BICRAL: variants seen among roughly 807,000 people sequenced by gnomAD.
BICRAL encodes BRD4-interacting chromatin-remodeling complex-associated protein-like.
A neutral mutation model predicts 91.8 loss-of-function variants in BICRAL; 8 were observed. That is an observed-to-expected ratio of 0.09 (90% CI 0.05 to 0.16). The LOEUF (loss-of-function observed/expected upper bound fraction) is 0.16. Ranked by LOEUF, BICRAL falls within the 10% of genes least tolerant of loss-of-function variation. The pLI is 1.00. For synonymous variants in BICRAL, 445 were observed against 491.1 expected (o/e 0.91, Z 1.24); for missense variants, 1,038 against 1,310.9 (o/e 0.79, Z 3.21).
intron 7 of BICRAL, 79 bp downstream of exon 7, chr6:42,852,276 G>T: frequency 1.2e-6 from 1 of 854,090 alleles, no homozygotes; most frequent in East Asian, 2.5e-5. Context: ...CATTCTGCAC[G>T]AAAGCTTTCT....
chr6:42,814,303 C>T lies in BICRAL; in HGVS notation c.-6+3902C>T, dbSNP rs547097454. On this transcript the variant is annotated intron_variant, in intron 2 of 12. Coordinates refer to ENST00000314073, the MANE Select transcript of BICRAL (RefSeq NM_001393499.1). The stretch of plus-strand genomic sequence containing the variant: ...AGGCTGGAGTGCAGTGGCGTGATCT[C>T]AGCTGACTGTAGTCTCAACCCCCTG... Among the ~76,000 whole-genome samples, 6 of 138,988 alleles carry T rather than the reference C, an allele frequency of 4.3e-5. No individual in the cohort carries two copies. In the East Asian group the frequency reaches 1.2e-3, roughly 29 times the overall value. The allele number at this position is 138,988 out of a possible 152,430, so 91.2% of individuals were successfully genotyped here. A position where few individuals can be genotyped will look rare whatever the true frequency, so the allele number is the denominator to read the frequency against.
chr6:42,778,044 C>G (rs1175015570), upstream of BICRAL, among the ~76,000 whole-genome samples: 1 of 152,018 alleles, frequency 6.6e-6, no homozygotes, highest in South Asian at 2.1e-4. Context: ...TTGTAATAAT[C>G]TGGGGAAAAA....
Position 42,829,371 on chromosome 6 carries a change from T to G in BICRAL, c.1038T>G (p.Ser346=). The part of the protein sequence containing the change: ...HHVQQGISFA[S]ASSPQGSVVG... Reference sequence around the variant, plus strand: ...TACAACAAGGGATCTCTTTTGCTTCTGCAAGCTCACCCCAGGGCTCAGTAG... The same window carrying G: ...TACAACAAGGGATCTCTTTTGCTTCGGCAAGCTCACCCCAGGGCTCAGTAG... The change falls in exon 6 of 13, where the codon TCT becomes TCG. Residue 346 remains serine, a synonymous_variant. Transcript: ENST00000314073. 1 of 1,614,238 alleles carries G rather than the reference T, an allele frequency of 6.2e-7. No homozygotes were observed. Among genetic ancestry groups the G allele is most frequent in the Non-Finnish European group, 8.5e-7 (1 of 1,180,036 alleles).
At position 42,864,340 on chromosome 6, in the gene BICRAL, A is replaced by G. The variant is rs184830721; in HGVS notation, c.2453-319A>G. Among the ~76,000 whole-genome samples, 907 of 152,056 alleles carry G rather than the reference A, an allele frequency of 6.0e-3. 6 individuals carry two copies. Among genetic ancestry groups the G allele is most frequent in the Non-Finnish European group, 9.2e-3 (625 of 67,960 alleles). The stretch of plus-strand genomic sequence containing the variant: ...GGGCAACAGAGCAAGACTCCATCTC[A>G]AAAAAAATAAAATGATACTTAGAGA... On this transcript the variant is annotated intron_variant, in intron 12 of 12. Coordinates refer to ENST00000314073, the MANE Select transcript of BICRAL (RefSeq NM_001393499.1).
At chr6:42,857,872 C>T (rs114777353) in intron 10 of BICRAL, among the ~76,000 whole-genome samples, 1,634 of 136,180 alleles carry the variant, frequency 0.012, 41 homozygotes, top group African/African-American at 0.045. Flanking sequence ...TGCAGTGGCA[C>T]GATCAACTCA....
chr6:42,854,248 G>T (rs934054154), intron 8 of BICRAL, among the ~76,000 whole-genome samples: 1 of 152,138 alleles, frequency 6.6e-6, no homozygotes, highest in African/African-American at 2.4e-5. Flanking sequence ...ACCCAGGCTG[G>T]CATGCAGTAG....
intron 2 of BICRAL, among the ~76,000 whole-genome samples, chr6:42,820,787 TA>T (rs1764115894): frequency 6.6e-6 from 1 of 152,206 alleles, no homozygotes; most frequent in Admixed American, 6.5e-5. Context: ...ACAGGGTTTG[TA>T]ATCTCCCAGA....
chr6:42,857,349 T>C (rs1343800424), intron 10 of BICRAL, 113 bp downstream of exon 10: 2 of 828,630 alleles, frequency 2.4e-6, no homozygotes, highest in African/African-American at 1.7e-5. Context: ...GTTATTGTTT[T>C]TAATCACAGA....
intron 12 of BICRAL, among the ~76,000 whole-genome samples, chr6:42,864,442 G>A (rs557190117): frequency 6.6e-6 from 1 of 152,266 alleles, no homozygotes; most frequent in Admixed American, 6.5e-5. Flanking sequence ...AAAGGTTTAA[G>A]CTCCCCATCT....
intron 1 of BICRAL, among the ~76,000 whole-genome samples, chr6:42,787,718 A>G (rs898909678): frequency 1.3e-5 from 2 of 152,186 alleles, no homozygotes; most frequent in African/African-American, 4.8e-5. Context: ...TGGATTTGAC[A>G]ACATGATGGT....
chr6:42,794,563 A>G (rs1763367245), intron 1 of BICRAL, among the ~76,000 whole-genome samples: 2 of 151,988 alleles, frequency 1.3e-5, no homozygotes, highest in South Asian at 4.2e-4. Context: ...GCTCTATTTT[A>G]TATATTTTAT....
chr6:42,837,756 A>G (rs1764684055), intron 6 of BICRAL, among the ~76,000 whole-genome samples: 1 of 152,026 alleles, frequency 6.6e-6, no homozygotes, highest in South Asian at 2.1e-4. Flanking sequence ...CATCTCAAAA[A>G]AAAAAAAAAG....
At chr6:42,804,481 T>C (rs1213675105) in intron 1 of BICRAL, among the ~76,000 whole-genome samples, 1 of 152,152 alleles carries the variant, frequency 6.6e-6, no homozygotes, top group South Asian at 2.1e-4. Context: ...TGCTTCGGGA[T>C]TTAAATAAAA....
chr6:42,829,976 C>T lies in BICRAL; in HGVS notation c.1643C>T (p.Thr548Ile). 1 of 1,614,212 alleles carries T rather than the reference C, an allele frequency of 6.2e-7. No individual in the cohort carries two copies. Among genetic ancestry groups the T allele is most frequent in the Non-Finnish European group, 8.5e-7 (1 of 1,180,038 alleles). ...TTCCCTGCTGTCAGCTCAGCCAGCA[C>T]TGCCCATCCTAGTCTTGGGTCTGCA... is the stretch of plus-strand genomic sequence containing the variant. ...SRFPAVSSAS[T>I]AHPSLGSAVQ... The change falls in exon 6 of 13, where the codon ACT becomes ATT. Residue 548 changes from threonine (T) to isoleucine (I), a missense_variant. Thr to Ile is a moderately conservative substitution (Grantham distance 89). This residue lies in a region of BICRAL where 532 missense variants were observed against 724.9 expected (regional missense o/e 0.73). Coordinates refer to ENST00000314073, the MANE Select transcript of BICRAL (RefSeq NM_001393499.1).
At chr6:42,752,535 C>T (rs1169682766) in intron 1 of BICRAL, among the ~76,000 whole-genome samples, 2 of 152,168 alleles carry the variant, frequency 1.3e-5, no homozygotes. Flanking sequence ...CAGCCTCAAA[C>T]TCCTGGGCTC....
At chr6:42,803,299 A>G (rs1763626111) in intron 1 of BICRAL, among the ~76,000 whole-genome samples, 1 of 152,194 alleles carries the variant, frequency 6.6e-6, no homozygotes, top group South Asian at 2.1e-4. Context: ...TAAAACTTGT[A>G]TTTCCTTACG....
intron 1 of BICRAL, among the ~76,000 whole-genome samples, chr6:42,808,148 T>A (rs1464168589): frequency 2.0e-5 from 3 of 151,176 alleles, no homozygotes; most frequent in Non-Finnish European, 4.4e-5. Flanking sequence ...TTTTTTTTTT[T>A]AATACGGAGT....
intron 1 of BICRAL, among the ~76,000 whole-genome samples, chr6:42,768,703 T>A (rs564356496): frequency 6.6e-6 from 1 of 152,314 alleles, no homozygotes; most frequent in African/African-American, 2.4e-5. Flanking sequence ...TTTCTTCCCC[T>A]CTACCCCAAT....
At chr6:42,754,958 G>A (rs192657380) in intron 1 of BICRAL, among the ~76,000 whole-genome samples, 8 of 152,326 alleles carry the variant, frequency 5.3e-5, no homozygotes, top group Admixed American at 1.3e-4. Flanking sequence ...TTAAAATGCC[G>A]CATCAGCATT....
Sources: gnomAD v4.1 joint callset for allele counts (sites outside exome capture counted in the v4.1 genomes callset) on GRCh38, gnomAD v4.1.1 for gene constraint, gnomAD v4.1.1 regional missense constraint, MANE v1.5 for transcripts, NCBI Gene and HGNC (gene_info 2026-07-23, HGNC 2026-07-21) for gene names.